COL15A1: variants seen among roughly 807,000 people sequenced by gnomAD.
COL15A1 encodes collagen type XV alpha 1 chain.
In COL15A1, 111 loss-of-function variants were observed where a neutral mutation model predicts 165.9. The ratio of observed to expected loss-of-function variants is 0.67; its 90% CI spans 0.57 to 0.78. The LOEUF (loss-of-function observed/expected upper bound fraction) is 0.78, where lower values mean the gene tolerates loss of function less well. Among genes scored for constraint, COL15A1 ranks in the 30% least tolerant of loss-of-function variants. The pLI is 0.00. For synonymous variants in COL15A1, 659 were observed against 674.8 expected, an observed-to-expected ratio of 0.98 and a Z score of 0.36; for missense variants, 1,745 against 1,789.7, an observed-to-expected ratio of 0.98 and a Z score of 0.45.
intron 2 of COL15A1, among the ~76,000 whole-genome samples, chr9:98,981,569 A>C (rs1360773416): frequency 1.3e-5 from 2 of 152,276 alleles, no homozygotes; most frequent in African/African-American, 2.4e-5. Context: ...GAATGTGTGC[A>C]TCATGCCACC....
intron 36 of COL15A1, 138 bp downstream of exon 36, chr9:99,060,091 A>G: frequency 1.2e-6 from 1 of 866,982 alleles, no homozygotes; most frequent in Non-Finnish European, 1.7e-6. Context: ...TTCCATAAAT[A>G]GTAGAAGGGA....
intron 39 of COL15A1, among the ~76,000 whole-genome samples, chr9:99,066,497 A>C (rs2118005236): frequency 6.6e-6 from 1 of 150,986 alleles, no homozygotes; most frequent in African/African-American, 2.4e-5. Flanking sequence ...CCAGCTTAAA[A>C]CCCCTGCACA....
At chr9:99,058,126 C>A (rs1261108843) in intron 35 of COL15A1, among the ~76,000 whole-genome samples, 1 of 152,214 alleles carries the variant, frequency 6.6e-6, no homozygotes, top group Non-Finnish European at 1.5e-5. Context: ...TCACCACAAA[C>A]CACATCCTCT....
intron 2 of COL15A1, among the ~76,000 whole-genome samples, chr9:98,963,568 A>C (rs1837899899): frequency 6.6e-6 from 1 of 152,182 alleles, no homozygotes; most frequent in Non-Finnish European, 1.5e-5. Context: ...TACCATTCTC[A>C]GGGATGTGCT....
chr9:98,978,549 GGTTTT>G (rs1445321054), intron 2 of COL15A1, among the ~76,000 whole-genome samples: 1 of 152,144 alleles, frequency 6.6e-6, no homozygotes, highest in Non-Finnish European at 1.5e-5. Context: ...GGGTGTTTGT[GGTTTT>G]GTTTTGTTTT....
intron 9 of COL15A1, among the ~76,000 whole-genome samples, chr9:99,014,524 A>T (rs953984739): frequency 6.6e-6 from 1 of 152,236 alleles, no homozygotes; most frequent in Non-Finnish European, 1.5e-5. Flanking sequence ...TTTGAACCAT[A>T]AAGAAAGCTC....
chr9:98,947,944 G>A (rs756130802), intron 2 of COL15A1, among the ~76,000 whole-genome samples: 29 of 152,236 alleles, frequency 1.9e-4, no homozygotes, highest in African/African-American at 4.3e-4. Flanking sequence ...CATGAACTTA[G>A]ATGAGTTGCT....
At chr9:98,970,157 A>G (rs555151452) in intron 2 of COL15A1, among the ~76,000 whole-genome samples, 1 of 152,028 alleles carries the variant, frequency 6.6e-6, no homozygotes, top group East Asian at 1.9e-4. Flanking sequence ...GGCTCCGTAT[A>G]CAGGAACTAT....
Position 98,997,041 on chromosome 9 carries a change from C to T in COL15A1, c.912C>T (p.Thr304=), listed in dbSNP as rs370196796. 1 of 1,614,074 alleles carries T rather than the reference C, an allele frequency of 6.2e-7. No individual in the cohort carries two copies. Among genetic ancestry groups the T allele is most frequent in the South Asian group, 1.1e-5 (1 of 91,090 alleles). The stretch of plus-strand genomic sequence containing the variant: ...CTGTACCCGAGGGGACCCTGGAAAC[C>T]ACCAACATGAGCATCATCCAGCACA... ...GEPVPEGTLE[T]TNMSIIQHSS... The change falls in exon 6 of 42, where the codon ACC becomes ACT. Residue 304 remains threonine (T), a synonymous_variant. Transcript: ENST00000375001.
At chr9:98,978,004 G>A (rs1838168522) in intron 2 of COL15A1, among the ~76,000 whole-genome samples, 1 of 152,210 alleles carries the variant, frequency 6.6e-6, no homozygotes, top group Non-Finnish European at 1.5e-5. Context: ...AGGACCTGGA[G>A]TGGTCGGGGC....
chr9:99,015,535 C>T lies in COL15A1; in HGVS notation c.1472C>T (p.Ala491Val), dbSNP rs753511937. The change falls in exon 10 of 42, where the codon GCC becomes GTC. Residue 491 changes from alanine to valine, a missense_variant. Transcript: ENST00000375001. ...ACAGATGGCCTGGCTCCCCTCACAGCCACCATGGCCCCTGAGCGGGCAGTC... is the reference window on the plus strand; with the variant it reads ...ACAGATGGCCTGGCTCCCCTCACAGTCACCATGGCCCCTGAGCGGGCAGTC... ...VPTDGLAPLT[A>V]TMAPERAVTS... 9.3e-6 allele frequency: 15 copies of T among 1,613,886 alleles called. No individual in the cohort carries two copies. Among genetic ancestry groups the T allele is most frequent in the Non-Finnish European group, 8.5e-7 (1 of 1,179,950 alleles).
chr9:99,039,568 C>G (rs1166643494), intron 22 of COL15A1, among the ~76,000 whole-genome samples: 1 of 152,208 alleles, frequency 6.6e-6, no homozygotes, highest in African/African-American at 2.4e-5. Flanking sequence ...GCAGAGTTGA[C>G]TCATGGCACA....
At chr9:99,043,364 A>G (rs1045000197) in intron 24 of COL15A1, among the ~76,000 whole-genome samples, 6 of 152,082 alleles carry the variant, frequency 3.9e-5, no homozygotes, top group African/African-American at 1.2e-4. Flanking sequence ...CAGGGAAGCA[A>G]GAGCACCTCT....
intron 24 of COL15A1, among the ~76,000 whole-genome samples, chr9:99,042,964 T>A (rs142564592): frequency 6.6e-6 from 1 of 152,326 alleles, no homozygotes; most frequent in East Asian, 1.9e-4. Context: ...TTTCCTGTGC[T>A]AGGCGTAGGG....
chr9:99,002,543 G>A (rs900640676), intron 7 of COL15A1, among the ~76,000 whole-genome samples: 1 of 152,196 alleles, frequency 6.6e-6, no homozygotes, highest in Non-Finnish European at 1.5e-5. Flanking sequence ...TAGAACGGGT[G>A]CCATTTCCTT....
intron 31 of COL15A1, among the ~76,000 whole-genome samples, chr9:99,053,259 C>T (rs761834746): frequency 3.3e-5 from 5 of 152,344 alleles, no homozygotes; most frequent in East Asian, 1.9e-4. Flanking sequence ...TGTGTCACCC[C>T]GGCCCACGAG....
intron 9 of COL15A1, 150 bp from the exon 10 acceptor site, chr9:99,015,267 C>T (rs1290682142): frequency 2.2e-5 from 14 of 634,462 alleles, no homozygotes; most frequent in South Asian, 1.7e-4. Context: ...GAGCTCCAGG[C>T]GAAGGTGTGG....
At chr9:99,046,532 G>T (rs532070438) in intron 26 of COL15A1, among the ~76,000 whole-genome samples, 114 of 152,294 alleles carry the variant, frequency 7.5e-4, no homozygotes, top group Non-Finnish European at 1.2e-3. Flanking sequence ...TCCTAGTTCC[G>T]CATGGCTAGG....
chr9:99,058,528 A>C (rs34382379), intron 35 of COL15A1, among the ~76,000 whole-genome samples: 1 of 151,964 alleles, frequency 6.6e-6, no homozygotes, highest in East Asian at 1.9e-4. Context: ...GTGGAGAAAA[A>C]CTGTTGTCCA....
Sources: gnomAD v4.1 joint callset for allele counts (sites outside exome capture counted in the v4.1 genomes callset) on GRCh38, gnomAD v4.1.1 for gene constraint, MANE v1.5 for transcripts, NCBI Gene and HGNC (gene_info 2026-07-23, HGNC 2026-07-21) for gene names.